WSB1: variants seen among roughly 807,000 people sequenced by gnomAD.
The protein encoded by WSB1 is WD repeat and SOCS box-containing protein 1.
Under a neutral mutation model 50.2 loss-of-function variants are expected in WSB1, and 23 were observed. That is an observed-to-expected ratio of 0.46 (90% CI 0.33 to 0.65). The LOEUF (loss-of-function observed/expected upper bound fraction) is 0.65. Ranked by LOEUF, WSB1 falls within the 30% of genes least tolerant of loss-of-function variation. WSB1 has a pLI of 0.02. For missense variants in WSB1, 492 were observed against 522.3 expected, an observed-to-expected ratio of 0.94 and a Z score of 0.56; for synonymous variants, 179 against 172.0, an observed-to-expected ratio of 1.04 and a Z score of -0.32.
chr17:27,301,536 T>TA (rs1309415340), intron 1 of WSB1, among the ~76,000 whole-genome samples: 1 of 152,192 alleles, frequency 6.6e-6, no homozygotes, highest in Non-Finnish European at 1.5e-5. Context: ...CAGTTTTTTT[T>TA]ACGGAAACTT....
intron 6 of WSB1, among the ~76,000 whole-genome samples, chr17:27,309,834 A>G (rs144245243): frequency 1.8e-3 from 272 of 152,082 alleles, no homozygotes; most frequent in African/African-American, 6.3e-3. Context: ...ACCTGCCTTA[A>G]CCTCCCAAAG....
intron 1 of WSB1, among the ~76,000 whole-genome samples, chr17:27,294,639 G>T (rs1217001453): frequency 1.3e-5 from 2 of 152,208 alleles, no homozygotes; most frequent in Non-Finnish European, 2.9e-5. Context: ...CACCTACTGT[G>T]CTCCCTCGCG....
At chr17:27,299,370 G>C (rs191370522) in intron 1 of WSB1, among the ~76,000 whole-genome samples, 91 of 152,312 alleles carry the variant, frequency 6.0e-4, no homozygotes, top group African/African-American at 2.1e-3. Context: ...CATTAACCGG[G>C]TGTAGTGGTG....
At chr17:27,300,096 A>T (rs1201303334) in intron 1 of WSB1, among the ~76,000 whole-genome samples, 1 of 145,760 alleles carries the variant, frequency 6.9e-6, no homozygotes, top group Non-Finnish European at 1.5e-5. Flanking sequence ...TTTACTGAGC[A>T]CCTGTCATAT....
At chr17:27,306,095 A>T (rs980168129) in intron 4 of WSB1, among the ~76,000 whole-genome samples, 1 of 152,100 alleles carries the variant, frequency 6.6e-6, no homozygotes, top group Non-Finnish European at 1.5e-5. Context: ...GTTCTCAAAA[A>T]TGAAGAATGA....
chr17:27,303,504 G>A lies in WSB1; in HGVS notation c.347G>A (p.Gly116Glu), dbSNP rs1261548400. ...CGDIVWSLAFGSSVPEKQSRC... is the reference protein window; with the variant it reads ...CGDIVWSLAFESSVPEKQSRC... ...GATATAGTCTGGAGTCTTGCTTTTG[G>A]GTCATCAGTTCCAGAAAAACAGAGT... Residue 116 changes from glycine (G) to glutamate (E), a missense_variant, in exon 3 of 9, where the codon GGG (glycine) becomes GAG (glutamate). By Grantham distance (98) the Gly-to-Glu change is moderately conservative (BLOSUM62 -2). Coordinates refer to ENST00000262394, the MANE Select transcript of WSB1 (RefSeq NM_015626.10). 2 of 1,614,080 alleles carry A rather than the reference G, an allele frequency of 1.2e-6. No homozygotes were observed. The highest frequency in any genetic ancestry group is 1.7e-6 in the Non-Finnish European group (2 of 1,180,014).
At position 27,312,483 on chromosome 17, in the gene WSB1, A is replaced by G. The variant is rs781115269; in HGVS notation, c.*114A>G. On this transcript the variant is annotated 3_prime_UTR_variant, in exon 9 of 9. Transcript: ENST00000262394. Reference sequence around the variant, plus strand: ...AGACGTAGAAGATTTATTTAATTTGATATGTTCTTGTACTGCATTTTGATC... The same window carrying G: ...AGACGTAGAAGATTTATTTAATTTGGTATGTTCTTGTACTGCATTTTGATC... The G allele has an allele frequency of 2.8e-6, 4 of 1,405,098 alleles. No homozygotes were observed. The highest frequency in any genetic ancestry group is 2.3e-5 in the Admixed American group (1 of 43,336). 87.0% of individuals were successfully genotyped at this position (1,405,098 alleles called of 1,614,324 possible). A position where few individuals can be genotyped will look rare whatever the true frequency, so the allele number is the denominator to read the frequency against.
At chr17:27,298,700 A>T (rs2017096344) in intron 1 of WSB1, among the ~76,000 whole-genome samples, 1 of 151,954 alleles carries the variant, frequency 6.6e-6, no homozygotes, top group Non-Finnish European at 1.5e-5. Context: ...AAAATACAAA[A>T]AATAATAATA....
chr17:27,298,998 C>T (rs1597752758), intron 1 of WSB1, among the ~76,000 whole-genome samples: 1 of 152,276 alleles, frequency 6.6e-6, no homozygotes, highest in East Asian at 1.9e-4. Context: ...GAGTTTGCCT[C>T]TGCACTCCAG....
In WSB1 at chr17:27,306,770, C is replaced by A; in HGVS notation, c.611-12C>A. ...ATTCTAGGGTTAATACAGATTATTT[C>A]TTTTTGTTCAGGAAACATGATGAAA... On this transcript the variant is annotated splice_polypyrimidine_tract_variant and intron_variant, in intron 4 of 8. Coordinates refer to ENST00000262394, the MANE Select transcript of WSB1 (RefSeq NM_015626.10). The A allele has an allele frequency of 6.2e-7, 1 of 1,613,134 alleles. No individual in the cohort carries two copies. Among genetic ancestry groups the A allele is most frequent in the Non-Finnish European group, 8.5e-7 (1 of 1,179,456 alleles).
At chr17:27,304,680 C>T (rs947416819) in intron 3 of WSB1, 100 bp from the exon 4 acceptor site, 8 of 1,264,456 alleles carry the variant, frequency 6.3e-6, no homozygotes, top group Non-Finnish European at 7.6e-6. Flanking sequence ...CCATTGCACT[C>T]CAGCCTGAGT....
intron 2 of WSB1, chr17:27,302,393 A>G (rs2017270286): frequency 1.3e-5 from 2 of 149,962 alleles, no homozygotes; most frequent in African/African-American, 5.0e-5. Context: ...CCTGGGTGAC[A>G]GAGCCAAATA....
intron 7 of WSB1, among the ~76,000 whole-genome samples, chr17:27,310,704 A>G (rs140556428): frequency 6.6e-6 from 1 of 151,462 alleles, no homozygotes; most frequent in African/African-American, 2.5e-5. Flanking sequence ...AATGTTAGCA[A>G]ACATATGGAG....
At chr17:27,309,023 G>A (rs1183264071) in intron 5 of WSB1, 77 bp from the exon 6 acceptor site, 27 of 1,435,674 alleles carry the variant, frequency 1.9e-5, no homozygotes, top group South Asian at 1.0e-4. Flanking sequence ...ATTAAATTTA[G>A]CAGTTTTAGT....
Position 27,294,450 on chromosome 17 carries a change from CGTGG to C in WSB1, c.40+21_40+24del. The C allele has an allele frequency of 6.2e-7, 1 of 1,610,072 alleles. No individual in the cohort carries two copies. Among genetic ancestry groups the C allele is most frequent in the Non-Finnish European group, 8.5e-7 (1 of 1,177,798 alleles). ...GAAAGAGATCGGTGAGGATTGGGAC[CGTGG>C]GTGGGCGCATGAGGGCCGAGGAGAG... On this transcript the variant is annotated intron_variant, in intron 1 of 8. Coordinates refer to ENST00000262394, the MANE Select transcript of WSB1 (RefSeq NM_015626.10).
intron 4 of WSB1, among the ~76,000 whole-genome samples, chr17:27,305,768 C>A (rs1319485698): frequency 1.3e-5 from 2 of 152,202 alleles, no homozygotes; most frequent in Non-Finnish European, 2.9e-5. Context: ...TGTGTTTTAT[C>A]TGCTCAGCTG....
At chr17:27,306,914 G>A in intron 5 of WSB1, 32 bp downstream of exon 5, 1 of 1,592,878 alleles carries the variant, frequency 6.3e-7, no homozygotes, top group Non-Finnish European at 8.6e-7. Flanking sequence ...CATTCATTAT[G>A]AATTGGATTA....
intron 2 of WSB1, 29 bp from the exon 3 acceptor site, chr17:27,303,338 C>G (rs918706146): frequency 1.2e-6 from 2 of 1,607,514 alleles, no homozygotes; most frequent in African/African-American, 2.7e-5. Flanking sequence ...AATAATAATA[C>G]AATTTCCATC....
At chr17:27,299,834 C>T (rs2017150958) in intron 1 of WSB1, among the ~76,000 whole-genome samples, 1 of 152,076 alleles carries the variant, frequency 6.6e-6, no homozygotes, top group African/African-American at 2.4e-5. Flanking sequence ...GGCTTATTCT[C>T]TTAGGTCAGA....
Sources: gnomAD v4.1 joint callset for allele counts (sites outside exome capture counted in the v4.1 genomes callset) on GRCh38, gnomAD v4.1.1 for gene constraint, MANE v1.5 for transcripts, NCBI Gene and HGNC (gene_info 2026-07-23, HGNC 2026-07-21) for gene names.